ADAM18: variants seen among roughly 807,000 people sequenced by gnomAD.
ADAM18 encodes the protein disintegrin and metalloproteinase domain-containing protein 18.
A neutral mutation model predicts 94.4 loss-of-function variants in ADAM18; 117 were observed. The observed-to-expected ratio is 1.24, with a 90% CI of 1.07 to 1.45. The LOEUF (loss-of-function observed/expected upper bound fraction) is 1.45, where lower values mean the gene tolerates loss of function less well. ADAM18 is among the 40% of genes most tolerant of loss of function. The pLI, the probability that ADAM18 is intolerant of heterozygous loss-of-function variation, is 0.00. For missense variants in ADAM18, 936 were observed against 880.0 expected (o/e 1.06, Z -0.81); for synonymous variants, 327 against 291.6 (o/e 1.12, Z -1.24).
chr8:39,590,265 A>T (rs1818532177), intron 2 of ADAM18, among the ~76,000 whole-genome samples: 2 of 152,126 alleles, frequency 1.3e-5, no homozygotes, highest in Non-Finnish European at 2.9e-5. Flanking sequence ...ATAAAAAATG[A>T]TGAGTTCATG....
chr8:39,723,793 G>A lies in ADAM18; in HGVS notation c.2063G>A (p.Trp688Ter). ...GGCTACAATACACACTGGAACAACTGGTTTATTCTGAGTTTCTGCATTTTT... is the reference window on the plus strand; with the variant it reads ...GGCTACAATACACACTGGAACAACTAGTTTATTCTGAGTTTCTGCATTTTT... ...EKGYNTHWNN[W>*]FILSFCIFLP... Residue 688 changes from tryptophan to a stop codon, truncating the protein, a stop_gained, in exon 19 of 20, where the codon TGG (tryptophan) becomes TAG (stop). Coordinates refer to ENST00000265707, the MANE Select transcript of ADAM18 (RefSeq NM_014237.3). LOFTEE classifies it high-confidence loss of function. The A allele has an allele frequency of 6.3e-7, 1 of 1,583,126 alleles. No homozygotes were observed. The highest frequency in any genetic ancestry group is 8.6e-7 in the Non-Finnish European group (1 of 1,165,202).
intron 12 of ADAM18, among the ~76,000 whole-genome samples, chr8:39,652,088 A>T (rs1395444324): frequency 6.6e-6 from 1 of 152,166 alleles, no homozygotes; most frequent in Admixed American, 6.5e-5. Flanking sequence ...ACCTGAAACT[A>T]TAAAATTATT....
chr8:39,706,152 C>A (rs1822236819), intron 17 of ADAM18, among the ~76,000 whole-genome samples: 1 of 151,942 alleles, frequency 6.6e-6, no homozygotes, highest in Non-Finnish European at 1.5e-5. Context: ...AATACAAAGG[C>A]ATGAATAATA....
chr8:39,729,484 A>G (rs1240841658), intron 19 of ADAM18, among the ~76,000 whole-genome samples: 3 of 152,178 alleles, frequency 2.0e-5, no homozygotes, highest in Non-Finnish European at 2.9e-5. Context: ...GGAAAAAAAT[A>G]AAGACTAACC....
intron 6 of ADAM18, among the ~76,000 whole-genome samples, chr8:39,616,545 AAAG>A (rs1394331724): frequency 6.6e-6 from 1 of 152,224 alleles, no homozygotes; most frequent in Non-Finnish European, 1.5e-5. Context: ...GGGACCAAAA[AAAG>A]AGCCTGAATA....
chr8:39,612,116 A>G (rs1180333147), intron 6 of ADAM18, among the ~76,000 whole-genome samples: 1 of 151,788 alleles, frequency 6.6e-6, no homozygotes, highest in Non-Finnish European at 1.5e-5. Flanking sequence ...AAAAGAAATA[A>G]TGTGGCTTAA....
chr8:39,709,195 G>A (rs1189491010), intron 18 of ADAM18, among the ~76,000 whole-genome samples: 1 of 152,194 alleles, frequency 6.6e-6, no homozygotes, highest in Non-Finnish European at 1.5e-5. Context: ...CTCTCAGTGG[G>A]AAGGGGAGCC....
intron 3 of ADAM18, among the ~76,000 whole-genome samples, chr8:39,608,753 C>T (rs190387439): frequency 6.6e-6 from 1 of 152,152 alleles, no homozygotes; most frequent in Non-Finnish European, 1.5e-5. Context: ...CATGAGGGTC[C>T]GTCAGATAGT....
intron 16 of ADAM18, among the ~76,000 whole-genome samples, chr8:39,681,926 G>A (rs539557476): frequency 5.1e-4 from 78 of 152,144 alleles, no homozygotes; most frequent in African/African-American, 1.8e-3. Context: ...AGAAATTGAA[G>A]GAACTGTTAA....
chr8:39,718,826 C>T (rs558366203), intron 18 of ADAM18, among the ~76,000 whole-genome samples: 1 of 151,394 alleles, frequency 6.6e-6, no homozygotes, highest in Admixed American at 6.6e-5. Flanking sequence ...CAAGTCATTA[C>T]TGAGATAAAT....
At chr8:39,702,518 T>C (rs1822112223) in intron 17 of ADAM18, among the ~76,000 whole-genome samples, 1 of 152,154 alleles carries the variant, frequency 6.6e-6, no homozygotes, top group East Asian at 1.9e-4. Flanking sequence ...TTTGCTTTTG[T>C]TTCAATTGCT....
At chr8:39,684,633 C>T (rs1821559860) in intron 16 of ADAM18, among the ~76,000 whole-genome samples, 1 of 152,156 alleles carries the variant, frequency 6.6e-6, no homozygotes, top group Admixed American at 6.5e-5. Flanking sequence ...CTCATTGTTG[C>T]CCTGGTGGGG....
At chr8:39,722,215 GTGTATATATA>G (rs1331771988) in intron 18 of ADAM18, among the ~76,000 whole-genome samples, 2 of 68,112 alleles carry the variant, frequency 2.9e-5, no homozygotes, top group African/African-American at 1.8e-4. Context: ...GTGTGTGTGT[GTGTATATATA>G]TATATATATA....
chr8:39,592,267 A>G lies in ADAM18; in HGVS notation c.132+6915A>G, dbSNP rs375982890. Among the ~76,000 whole-genome samples the G allele has an allele frequency of 7.9e-5, 12 of 152,308 alleles. No homozygotes were observed. In the East Asian group the frequency reaches 1.4e-3, roughly 17 times the overall value. On this transcript the variant is annotated intron_variant, in intron 2 of 19. Transcript: ENST00000265707. ...AAGCTAGACATTAAGATTGGGTAGA[A>G]TGATAGTTCTATTTTTAGTTTTTTG...
chr8:39,729,752 A>G (rs1186797789), intron 19 of ADAM18, 146 bp from the exon 20 acceptor site: 6 of 626,522 alleles, frequency 9.6e-6, no homozygotes, highest in Non-Finnish European at 1.6e-5. Context: ...CATCTATAAT[A>G]TAGATAACCA....
intron 12 of ADAM18, among the ~76,000 whole-genome samples, chr8:39,651,345 C>A (rs1468894860): frequency 2.0e-5 from 3 of 152,266 alleles, no homozygotes; most frequent in East Asian, 1.9e-4. Context: ...AGACCCTTTA[C>A]GGGTGTCGGG....
At position 39,706,850 on chromosome 8, in the gene ADAM18, T is replaced by C. The variant is rs768868524; in HGVS notation, c.1963T>C (p.Phe655Leu). The C allele has an allele frequency of 1.9e-6, 3 of 1,611,414 alleles. No individual in the cohort carries two copies. In the South Asian group the frequency reaches 3.3e-5, roughly 18 times the overall value. ...FPGHRPPDCK[F>L]QFGSPGGSID... ...TGGACATAGACCTCCAGATTGTAAA[T>C]TCCAGTTTGGTTCCCCAGGGGGTAG... The change falls in exon 18 of 20, where the codon TTC (phenylalanine) becomes CTC (leucine). Residue 655 changes from phenylalanine (F) to leucine (L), a missense_variant. Coordinates refer to ENST00000265707, the MANE Select transcript of ADAM18 (RefSeq NM_014237.3).
intron 17 of ADAM18, among the ~76,000 whole-genome samples, chr8:39,696,423 G>GT (rs1554513725): frequency 1.3e-5 from 2 of 151,242 alleles, no homozygotes; most frequent in Non-Finnish European, 3.0e-5. Context: ...CTGGTCTTCT[G>GT]TTTAATATTA....
intron 17 of ADAM18, among the ~76,000 whole-genome samples, chr8:39,697,860 T>C (rs1821968244): frequency 6.6e-6 from 1 of 151,848 alleles, no homozygotes; most frequent in African/African-American, 2.4e-5. Context: ...GAGGAACACC[T>C]GCTTTTAATG....
Sources: gnomAD v4.1 joint callset for allele counts (sites outside exome capture counted in the v4.1 genomes callset) on GRCh38, gnomAD v4.1.1 for gene constraint, MANE v1.5 for transcripts, NCBI Gene and HGNC (gene_info 2026-07-23, HGNC 2026-07-21) for gene names.